The following DRC11 variants were observed in gnomAD, a reference collection of about 807,000 sequenced individuals.
DRC11 encodes dynein regulatory complex subunit 11, also known as IQ and AAA domain-containing protein 1.
chr2:236,389,551 T>C, the DRC11 span, among the ~76,000 whole-genome samples: 7 of 152,178 alleles, frequency 4.6e-5, no homozygotes, highest in South Asian at 2.1e-4. Context: ...CACTGACCTG[T>C]GCCCACTGTC....
At chr2:236,455,185 T>C in the DRC11 span, 1 of 152,290 alleles carries the variant, frequency 6.6e-6, no homozygotes, top group East Asian at 1.9e-4. This position sits in a 1 kb window ranked among gnomAD's most constrained non-coding sequence, Gnocchi z 5.7. Flanking sequence ...ACCACTCCTC[T>C]GCACCACGTG....
the DRC11 span, among the ~76,000 whole-genome samples, chr2:236,492,159 C>T: frequency 1.6e-4 from 24 of 152,310 alleles, no homozygotes; most frequent in Admixed American, 7.8e-4. Flanking sequence ...CTTCTGTTGT[C>T]TTTAAATTAC....
the DRC11 span, among the ~76,000 whole-genome samples, chr2:236,491,728 G>A: frequency 1.3e-5 from 2 of 152,140 alleles, no homozygotes; most frequent in African/African-American, 2.4e-5. Flanking sequence ...TGAAAGGATG[G>A]CTAGTTGACC....
chr2:236,372,204 C>A, the DRC11 span, among the ~76,000 whole-genome samples: 3 of 152,136 alleles, frequency 2.0e-5, no homozygotes, highest in Non-Finnish European at 4.4e-5. This position sits in a 1 kb window ranked among gnomAD's most constrained non-coding sequence, Gnocchi z 4.5. Flanking sequence ...CAAAAGACAT[C>A]ATTCTATCTA....
At chr2:236,413,428 G>A in the DRC11 span, among the ~76,000 whole-genome samples, 1 of 152,146 alleles carries the variant, frequency 6.6e-6, no homozygotes, top group African/African-American at 2.4e-5. This position sits in a 1 kb window ranked among gnomAD's most constrained non-coding sequence, Gnocchi z 4.0. Context: ...TTCCTTGATG[G>A]CACCCTCATT....
At chr2:236,442,032 T>C in the DRC11 span, among the ~76,000 whole-genome samples, 2 of 152,086 alleles carry the variant, frequency 1.3e-5, no homozygotes, top group African/African-American at 4.8e-5. Flanking sequence ...GTCCAGGAAT[T>C]TGAGGCTGAA....
chr2:236,373,998 C>T, the DRC11 span, among the ~76,000 whole-genome samples: 1 of 152,180 alleles, frequency 6.6e-6, no homozygotes, highest in Non-Finnish European at 1.5e-5. Flanking sequence ...TTCACACTTT[C>T]TTATTCCGGT....
chr2:236,477,421 C>T, the DRC11 span, among the ~76,000 whole-genome samples: 1 of 152,090 alleles, frequency 6.6e-6, no homozygotes, highest in African/African-American at 2.4e-5. Flanking sequence ...AAGTTTTCAT[C>T]CTCACTGTCT....
At chr2:236,504,285 T>G in the DRC11 span, among the ~76,000 whole-genome samples, 3 of 152,292 alleles carry the variant, frequency 2.0e-5, no homozygotes, top group South Asian at 6.2e-4. The surrounding 1 kb of genome is among the most constrained non-coding windows in gnomAD (Gnocchi z 5.0). Flanking sequence ...TTGTACTTCA[T>G]TTCTTTCTAT....
At chr2:236,431,063 C>A in the DRC11 span, among the ~76,000 whole-genome samples, 1 of 152,166 alleles carries the variant, frequency 6.6e-6, no homozygotes, top group South Asian at 2.1e-4. This position sits in a 1 kb window ranked among gnomAD's most constrained non-coding sequence, Gnocchi z 4.2. Flanking sequence ...CATATACTCA[C>A]CCATTTCAAG....
At chr2:236,398,929 A>T in the DRC11 span, among the ~76,000 whole-genome samples, 2 of 152,064 alleles carry the variant, frequency 1.3e-5, no homozygotes, top group Non-Finnish European at 2.9e-5. The surrounding 1 kb of genome is among the most constrained non-coding windows in gnomAD (Gnocchi z 6.2). Context: ...GGTCTTGACT[A>T]TCTTCTCATC....
the DRC11 span, among the ~76,000 whole-genome samples, chr2:236,389,665 A>G: frequency 6.6e-6 from 1 of 152,074 alleles, no homozygotes; most frequent in African/African-American, 2.4e-5. Context: ...AGCTGTTCCT[A>G]TTCGGCCATC....
At chr2:236,431,217 T>C in the DRC11 span, among the ~76,000 whole-genome samples, 3 of 152,194 alleles carry the variant, frequency 2.0e-5, no homozygotes, top group African/African-American at 7.2e-5. The surrounding 1 kb of genome is among the most constrained non-coding windows in gnomAD (Gnocchi z 4.2). Context: ...CCCAGGTGTA[T>C]TAGTCCATTC....
At chr2:236,392,012 C>G in the DRC11 span, 2 of 1,613,956 alleles carry the variant, frequency 1.2e-6, no homozygotes, top group South Asian at 2.2e-5. This position sits in a 1 kb window ranked among gnomAD's most constrained non-coding sequence, Gnocchi z 5.1. Context: ...CTGGGCGCTC[C>G]CTTTCTCTGT....
chr2:236,415,212 C>T, the DRC11 span, among the ~76,000 whole-genome samples: 1 of 152,160 alleles, frequency 6.6e-6, no homozygotes, highest in Non-Finnish European at 1.5e-5. This position sits in a 1 kb window ranked among gnomAD's most constrained non-coding sequence, Gnocchi z 5.7. Context: ...AACATGAGGT[C>T]TTTTCAAGTT....
chr2:236,410,699 CAT>C, the DRC11 span, among the ~76,000 whole-genome samples: 8 of 147,570 alleles, frequency 5.4e-5, no homozygotes, highest in African/African-American at 1.1e-4. Context: ...AAAACAGAGA[CAT>C]AGATCAATGG....
chr2:236,444,479 A>T, the DRC11 span, among the ~76,000 whole-genome samples: 1 of 152,166 alleles, frequency 6.6e-6, no homozygotes, highest in Non-Finnish European at 1.5e-5. Context: ...CCCTGAACAG[A>T]TCTTGAAGGC....
At chr2:236,329,266 C>T in the DRC11 span, among the ~76,000 whole-genome samples, 2 of 152,172 alleles carry the variant, frequency 1.3e-5, no homozygotes, top group East Asian at 3.8e-4. Flanking sequence ...TGCCGTGTAA[C>T]CTCACTTATT....
the DRC11 span, among the ~76,000 whole-genome samples, chr2:236,380,390 G>A: frequency 6.6e-6 from 1 of 152,194 alleles, no homozygotes; most frequent in African/African-American, 2.4e-5. The surrounding 1 kb of genome is among the most constrained non-coding windows in gnomAD (Gnocchi z 4.9). Flanking sequence ...TTTGCCTTCT[G>A]GGCCACCCAG....
Sources: gnomAD v4.1 joint callset for allele counts (sites outside exome capture counted in the v4.1 genomes callset) on GRCh38, gnomAD v4.1.1 for gene constraint, Gnocchi (gnomAD v3.1) non-coding constraint, MANE v1.5 for transcripts, NCBI Gene and HGNC (gene_info 2026-07-23, HGNC 2026-07-21) for gene names.